SVOP: variants seen among roughly 807,000 people sequenced by gnomAD.
The protein encoded by SVOP is SV2 related protein, also known as synaptic vesicle 2-related protein.
In SVOP, 17 loss-of-function variants were observed where a neutral mutation model predicts 69.1. The ratio of observed to expected loss-of-function variants is 0.25; its 90% CI spans 0.17 to 0.37. The LOEUF is 0.37. SVOP is among the 10% of genes least tolerant of loss of function. SVOP has a pLI of 1.00. For missense variants in SVOP, 435 were observed against 597.5 expected (o/e 0.73, Z 2.84); for synonymous variants, 238 against 238.6 (o/e 1.00, Z 0.02).
chr12:109,017,102 A>G (rs967112696), intron 1 of SVOP, among the ~76,000 whole-genome samples: 2 of 152,036 alleles, frequency 1.3e-5, no homozygotes, highest in Admixed American at 6.6e-5. Flanking sequence ...GGGGTCCCCA[A>G]TCCCTGGGCC....
chr12:108,995,241 A>G (rs1194042201), intron 1 of SVOP, among the ~76,000 whole-genome samples: 1 of 152,252 alleles, frequency 6.6e-6, no homozygotes, highest in Non-Finnish European at 1.5e-5. Context: ...CAACCAGCCA[A>G]AAGGCAGAAA....
At chr12:108,997,771 T>C (rs922129883) in intron 1 of SVOP, among the ~76,000 whole-genome samples, 3 of 151,518 alleles carry the variant, frequency 2.0e-5, no homozygotes, top group African/African-American at 4.9e-5. Context: ...GAAGGAAAAC[T>C]AACAAACAGA....
At chr12:108,996,307 C>T (rs917500670) in intron 1 of SVOP, among the ~76,000 whole-genome samples, 1 of 152,106 alleles carries the variant, frequency 6.6e-6, no homozygotes, top group Admixed American at 6.6e-5. Flanking sequence ...CCTGTAGTCC[C>T]CACACTTTGG....
intron 1 of SVOP, among the ~76,000 whole-genome samples, chr12:109,014,262 G>A (rs889124315): frequency 4.6e-5 from 7 of 152,032 alleles, no homozygotes; most frequent in African/African-American, 1.4e-4. Context: ...CTTCCAAAGT[G>A]CCTCGGCCTT....
intron 7 of SVOP, among the ~76,000 whole-genome samples, chr12:108,944,277 A>G (rs1038681040): frequency 1.3e-5 from 2 of 151,934 alleles, no homozygotes; most frequent in Non-Finnish European, 2.9e-5. Flanking sequence ...TCCTGGCCTC[A>G]AGTGATCCTC....
Position 108,982,854 on chromosome 12 carries a change from T to A in SVOP, c.196+747A>T, listed in dbSNP as rs961472413. ...ACTGTCACCATCATCATCATCACTA[T>A]CATCACCACCATCATCATCATCACT... On this transcript the variant is annotated intron_variant, in intron 2 of 15. Transcript: ENST00000610966. Among the ~76,000 whole-genome samples the A allele has an allele frequency of 4.0e-4, 58 of 144,066 alleles. 1 individual carries two copies. The highest frequency in any genetic ancestry group is 1.3e-3 in the African/African-American group (52 of 38,560). 94.5% of individuals were successfully genotyped at this position (144,066 alleles called of 152,430 possible). A position where few individuals can be genotyped will look rare whatever the true frequency, so the allele number is the denominator to read the frequency against.
intron 2 of SVOP, among the ~76,000 whole-genome samples, chr12:108,979,949 A>G (rs1237036379): frequency 2.0e-5 from 3 of 152,206 alleles, no homozygotes; most frequent in African/African-American, 7.2e-5. Flanking sequence ...AGGCAGGAGG[A>G]TCACTTGAGA....
At chr12:108,924,693 A>T (rs1436596409) in intron 11 of SVOP, among the ~76,000 whole-genome samples, 1 of 152,186 alleles carries the variant, frequency 6.6e-6, no homozygotes, top group African/African-American at 2.4e-5. Flanking sequence ...TAACTGAAGA[A>T]CTTAATAAAC....
chr12:108,966,564 G>A (rs2040046953), intron 5 of SVOP, among the ~76,000 whole-genome samples: 1 of 152,086 alleles, frequency 6.6e-6, no homozygotes, highest in Admixed American at 6.5e-5. Context: ...AGTGTTCCTG[G>A]GGGAATTTTG....
At chr12:109,013,383 C>T (rs577843558) in intron 1 of SVOP, among the ~76,000 whole-genome samples, 23 of 151,178 alleles carry the variant, frequency 1.5e-4, no homozygotes, top group South Asian at 1.0e-3. Context: ...TCAAACTTAC[C>T]GTCTTAACCT....
chr12:109,013,943 G>T (rs182866272), intron 1 of SVOP, among the ~76,000 whole-genome samples: 17 of 151,266 alleles, frequency 1.1e-4, no homozygotes, highest in Admixed American at 2.0e-4. Flanking sequence ...TGCTGTATTT[G>T]TCTTTTTGTG....
At chr12:108,927,439 A>T (rs11114099) in intron 11 of SVOP, among the ~76,000 whole-genome samples, 68,698 of 152,004 alleles carry the variant, frequency 0.45, 18,574 homozygotes, top group Non-Finnish European at 0.6. Context: ...TTTTCCTTTA[A>T]CTCATCTATC....
At chr12:108,988,997 T>G (rs146156304) in intron 1 of SVOP, among the ~76,000 whole-genome samples, 1 of 151,908 alleles carries the variant, frequency 6.6e-6, no homozygotes, top group African/African-American at 2.4e-5. Flanking sequence ...GATCTCGAAC[T>G]CCTGACCTCA....
chr12:108,985,033 C>T (rs1201655867), intron 1 of SVOP, among the ~76,000 whole-genome samples: 1 of 151,754 alleles, frequency 6.6e-6, no homozygotes, highest in African/African-American at 2.4e-5. Context: ...TCAAGACCAG[C>T]CTGGGCAACA....
intron 2 of SVOP, 36 bp from the exon 3 acceptor site, chr12:108,978,699 A>G (rs2040119883): frequency 2.8e-6 from 2 of 702,884 alleles, no homozygotes; most frequent in Non-Finnish European, 5.2e-6. Context: ...GGAAGGAATC[A>G]GTGCACCTTG....
At chr12:108,957,149 A>T (rs148373684) in intron 6 of SVOP, among the ~76,000 whole-genome samples, 1 of 152,140 alleles carries the variant, frequency 6.6e-6, no homozygotes, top group East Asian at 1.9e-4. Context: ...TCCACAGGAG[A>T]CACAGCAAGA....
intron 7 of SVOP, among the ~76,000 whole-genome samples, chr12:108,941,787 G>A (rs951185756): frequency 2.0e-5 from 3 of 151,834 alleles, no homozygotes; most frequent in South Asian, 2.1e-4. Context: ...TCAGCCTCCC[G>A]AGTAGCTGGG....
chr12:108,960,350 G>A (rs975908126), intron 6 of SVOP, among the ~76,000 whole-genome samples: 2 of 152,250 alleles, frequency 1.3e-5, no homozygotes, highest in Admixed American at 6.5e-5. Context: ...AGTCCTCCTC[G>A]ATGCCCCAGG....
intron 6 of SVOP, among the ~76,000 whole-genome samples, chr12:108,951,348 G>A (rs938511042): frequency 6.6e-6 from 1 of 152,128 alleles, no homozygotes; most frequent in Non-Finnish European, 1.5e-5. Flanking sequence ...AAACACATGG[G>A]CCCAGTGCCA....
Sources: gnomAD v4.1 joint callset for allele counts (sites outside exome capture counted in the v4.1 genomes callset) on GRCh38, gnomAD v4.1.1 for gene constraint, MANE v1.5 for transcripts, NCBI Gene and HGNC (gene_info 2026-07-23, HGNC 2026-07-21) for gene names.